The following MAP4K5 variants were observed in gnomAD, a reference collection of about 807,000 sequenced individuals.
MAP4K5 encodes the protein mitogen-activated protein kinase kinase kinase kinase 5.
Under a neutral mutation model 135.6 loss-of-function variants are expected in MAP4K5, and 82 were observed. That is an observed-to-expected ratio of 0.60 (90% confidence interval 0.51 to 0.73). The LOEUF (loss-of-function observed/expected upper bound fraction) is 0.73, where lower values mean the gene tolerates loss of function less well. Among genes scored for constraint, MAP4K5 ranks in the 30% least tolerant of loss-of-function variants. The pLI, the probability that MAP4K5 is intolerant of heterozygous loss-of-function variation, is 0.00. For missense variants in MAP4K5, 907 were observed against 1,010.9 expected, an observed-to-expected ratio of 0.90 and a Z score of 1.39; for synonymous variants, 347 against 335.0, an observed-to-expected ratio of 1.04 and a Z score of -0.39.
chr14:50,485,505 G>A, intron 5 of MAP4K5, 73 bp downstream of exon 5: 1 of 956,150 alleles, frequency 1.0e-6, no homozygotes, highest in Non-Finnish European at 1.6e-6. Context: ...AATTTCCGTG[G>A]TTAACTGGAA....
chr14:50,496,155 T>A (rs1197361795), intron 3 of MAP4K5, among the ~76,000 whole-genome samples: 2 of 151,848 alleles, frequency 1.3e-5, no homozygotes, highest in Non-Finnish European at 2.9e-5. Context: ...TGAAACCCTG[T>A]CTCTACCAAA....
chr14:50,522,272 A>G (rs991066350), intron 2 of MAP4K5, among the ~76,000 whole-genome samples: 2 of 151,872 alleles, frequency 1.3e-5, no homozygotes, highest in African/African-American at 4.8e-5. Flanking sequence ...CTAGTGATGC[A>G]TTGCTATACT....
Position 50,509,675 on chromosome 14 carries a change from A to T in MAP4K5, c.109-4818T>A, listed in dbSNP as rs1041165947. On this transcript the variant is annotated intron_variant, in intron 2 of 32. Transcript: ENST00000682126. ...AAATCCATCTAAAGAACTGGAATTA[A>T]AAAAAAAAAAACAGATTCAATGAAC... Among the ~76,000 whole-genome samples the T allele has an allele frequency of 5.4e-5, 7 of 130,420 alleles. 1 individual carries two copies. The highest frequency in any genetic ancestry group is 4.5e-4 in the Admixed American group (6 of 13,360). The allele number at this position is 130,420 out of a possible 152,430, so 85.6% of individuals were successfully genotyped here.
chr14:50,437,419 A>G (rs1237858607), intron 26 of MAP4K5, 57 bp downstream of exon 26: 1 of 1,309,854 alleles, frequency 7.6e-7, no homozygotes, highest in African/African-American at 1.5e-5. Context: ...CTCTTCAGAT[A>G]ATTATAAAGA....
Position 50,419,779 on chromosome 14 carries a change from G to T in MAP4K5, c.*240C>A. ...AAGACTGTGTTTCCTGGAACTAGAG[G>T]ACTATTTGTCTCATAGCTTTTATTA... On this transcript the variant is annotated 3_prime_UTR_variant, in exon 33 of 33. Coordinates refer to ENST00000682126, the MANE Select transcript of MAP4K5 (RefSeq NM_006575.6). The T allele has an allele frequency of 2.5e-6, 1 of 399,510 alleles. No homozygotes were observed. The highest frequency in any genetic ancestry group is 4.5e-6 in the Non-Finnish European group (1 of 221,734). 24.7% of individuals were successfully genotyped at this position (399,510 alleles called of 1,614,324 possible).
chr14:50,431,498 T>C (rs926516054), intron 28 of MAP4K5, among the ~76,000 whole-genome samples: 1 of 151,914 alleles, frequency 6.6e-6, no homozygotes, highest in Non-Finnish European at 1.5e-5. Flanking sequence ...TGAGAATATG[T>C]GGTGTTTGGT....
chr14:50,443,686 G>C (rs932524300), intron 20 of MAP4K5, 43 bp downstream of exon 20: 11 of 1,524,214 alleles, frequency 7.2e-6, no homozygotes, highest in African/African-American at 1.4e-5. Flanking sequence ...TGCTTCTAAA[G>C]AGAGAAAAAA....
At chr14:50,555,657 T>C (rs1392129484) in intron 1 of MAP4K5, among the ~76,000 whole-genome samples, 1 of 152,196 alleles carries the variant, frequency 6.6e-6, no homozygotes, top group East Asian at 1.9e-4. Flanking sequence ...AAGACCAAAA[T>C]AAATATTTGT....
intron 32 of MAP4K5, among the ~76,000 whole-genome samples, chr14:50,422,335 A>C (rs1275688164): frequency 2.0e-5 from 3 of 152,120 alleles, no homozygotes; most frequent in Non-Finnish European, 2.9e-5. Flanking sequence ...CTGTTCTCCT[A>C]TAAAACTCTC....
chr14:50,438,147 A>T (rs1341097842), intron 23 of MAP4K5, 53 bp from the exon 24 acceptor site: 4 of 699,394 alleles, frequency 5.7e-6, no homozygotes, highest in African/African-American at 1.8e-5. Flanking sequence ...AGAAAAACAC[A>T]CACAAAAAAA....
At position 50,428,656 on chromosome 14, in the gene MAP4K5, A is replaced by C; in HGVS notation, c.2326+6T>G. ...CAAACTGATTTATGAAAAAAAGGAA[A>C]CTTACCTACAGATTCAATGCGAAAA... On this transcript the variant is annotated splice_donor_region_variant and intron_variant, in intron 30 of 32. Transcript: ENST00000682126. The C allele has an allele frequency of 6.8e-7, 1 of 1,462,772 alleles. No homozygotes were observed. The highest frequency in any genetic ancestry group is 9.2e-7 in the Non-Finnish European group (1 of 1,092,884). The allele number at this position is 1,462,772 out of a possible 1,614,324, so 90.6% of individuals were successfully genotyped here.
intron 4 of MAP4K5, 67 bp from the exon 5 acceptor site, chr14:50,485,709 C>CTCACT: frequency 1.0e-6 from 1 of 980,518 alleles, no homozygotes; most frequent in Non-Finnish European, 1.6e-6. Flanking sequence ...CTCTAAGGCT[C>CTCACT]TCACTCTTTA....
intron 9 of MAP4K5, among the ~76,000 whole-genome samples, chr14:50,470,501 A>G (rs937860244): frequency 2.0e-5 from 3 of 152,144 alleles, no homozygotes; most frequent in African/African-American, 7.2e-5. Flanking sequence ...TTTAACTTTT[A>G]TTTAACTGAT....
upstream of MAP4K5, among the ~76,000 whole-genome samples, chr14:50,534,463 G>T (rs1400541740): frequency 1.3e-5 from 2 of 152,198 alleles, no homozygotes; most frequent in African/African-American, 2.4e-5. Context: ...GAAACTGAAT[G>T]CCCAGTTTGA....
chr14:50,429,907 A>T (rs1201406904), intron 28 of MAP4K5, among the ~76,000 whole-genome samples: 4 of 152,158 alleles, frequency 2.6e-5, no homozygotes, highest in Admixed American at 1.3e-4. Context: ...AACATTAAAA[A>T]TTTTTTTGAT....
chr14:50,552,964 G>T (rs1191405800), intron 1 of MAP4K5, among the ~76,000 whole-genome samples: 1 of 152,100 alleles, frequency 6.6e-6, no homozygotes, highest in Non-Finnish European at 1.5e-5. Flanking sequence ...AAGAATTCAT[G>T]ACTAAGAATC....
chr14:50,518,697 G>A (rs919255964), intron 2 of MAP4K5, among the ~76,000 whole-genome samples: 1 of 152,060 alleles, frequency 6.6e-6, no homozygotes, highest in South Asian at 2.1e-4. Context: ...CAGGTCTTCC[G>A]CCCAATCTAT....
In MAP4K5 at chr14:50,462,736, C is replaced by G. The variant is rs2036739558; in HGVS notation, c.865G>C (p.Glu289Gln). 1 of 1,604,622 alleles carries G rather than the reference C, an allele frequency of 6.2e-7. No homozygotes were observed. The highest frequency in any genetic ancestry group is 1.7e-5 in the Admixed American group (1 of 57,186). Residue 289 changes from glutamate to glutamine, a missense_variant, in exon 13 of 33, where the codon GAA becomes CAA. Coordinates refer to ENST00000682126, the MANE Select transcript of MAP4K5 (RefSeq NM_006575.6). ...QPGLSRALAV[E>Q]LLDKVNNPDN... ...GGATTGTTCACTTTGTCTAACAGTT[C>G]AACTGCTAGGGCTCTAGAGAGACCT... is the stretch of plus-strand genomic sequence containing the variant.
intron 3 of MAP4K5, among the ~76,000 whole-genome samples, chr14:50,493,261 G>C (rs1002360993): frequency 5.3e-5 from 8 of 151,960 alleles, no homozygotes; most frequent in Admixed American, 5.2e-4. Context: ...TGCCATATCC[G>C]GCTAATATTT....
Sources: allele counts gnomAD v4.1 joint callset (sites outside exome capture counted in the v4.1 genomes callset), GRCh38; gene constraint gnomAD v4.1.1; transcripts MANE v1.5; gene names NCBI Gene and HGNC (gene_info 2026-07-23, HGNC 2026-07-21).